The following THSD7A variants were observed in gnomAD, a reference collection of about 807,000 sequenced individuals.
THSD7A encodes the protein thrombospondin type-1 domain-containing protein 7A.
THSD7A carries 96 observed loss-of-function variants against 231.3 expected under a neutral mutation model. The observed-to-expected ratio is 0.41, with a 90% CI of 0.35 to 0.49. THSD7A has a LOEUF of 0.49. Ranked by LOEUF, THSD7A falls within the 20% of genes least tolerant of loss-of-function variation. THSD7A has a pLI of 0.05. For missense variants in THSD7A, 2,290 were observed against 2,070.2 expected, an observed-to-expected ratio of 1.11 and a Z score of -2.06; for synonymous variants, 940 against 743.3, an observed-to-expected ratio of 1.26 and a Z score of -4.30.
At chr7:11,448,366 A>G (rs1785042320) in intron 11 of THSD7A, among the ~76,000 whole-genome samples, 1 of 152,158 alleles carries the variant, frequency 6.6e-6, no homozygotes, top group African/African-American at 2.4e-5. Context: ...CATTGGTTTT[A>G]AAAACAACTC....
intron 11 of THSD7A, among the ~76,000 whole-genome samples, chr7:11,447,843 A>G (rs1212756740): frequency 6.6e-6 from 1 of 152,112 alleles, no homozygotes; most frequent in African/African-American, 2.4e-5. Context: ...TATATCTAAT[A>G]TTGTTTTATA....
chr7:11,430,303 A>T (rs567631528), intron 13 of THSD7A, among the ~76,000 whole-genome samples: 19 of 152,134 alleles, frequency 1.2e-4, no homozygotes, highest in Non-Finnish European at 2.5e-4. Flanking sequence ...ATCTAATTTT[A>T]GAACATTTGT....
At chr7:11,795,336 T>G (rs2128179427) in intron 1 of THSD7A, among the ~76,000 whole-genome samples, 1 of 150,510 alleles carries the variant, frequency 6.6e-6, no homozygotes, top group East Asian at 2.0e-4. Flanking sequence ...AGTAATATTC[T>G]TATAACCCCG....
intron 4 of THSD7A, among the ~76,000 whole-genome samples, chr7:11,555,198 T>A (rs1357834365): frequency 1.3e-5 from 2 of 151,964 alleles, no homozygotes; most frequent in African/African-American, 4.8e-5. Context: ...TATTGATTTG[T>A]GTCTTATCCT....
chr7:11,805,010 C>T (rs1306517159), intron 1 of THSD7A, among the ~76,000 whole-genome samples: 2 of 152,092 alleles, frequency 1.3e-5, no homozygotes, highest in African/African-American at 4.8e-5. Flanking sequence ...GAGCTGAAAC[C>T]TTGCATTGGT....
intron 6 of THSD7A, among the ~76,000 whole-genome samples, chr7:11,484,430 A>C (rs1786561649): frequency 6.6e-6 from 1 of 152,076 alleles, no homozygotes; most frequent in African/African-American, 2.4e-5. Context: ...GTTTCAGTTC[A>C]ATTTTCTCCT....
At chr7:11,389,216 T>C (rs1481059577) in intron 23 of THSD7A, among the ~76,000 whole-genome samples, 1 of 152,072 alleles carries the variant, frequency 6.6e-6, no homozygotes, top group Non-Finnish European at 1.5e-5. Flanking sequence ...TGTGTTAAAT[T>C]GTGTGGGAGT....
intron 13 of THSD7A, among the ~76,000 whole-genome samples, chr7:11,445,466 GCA>G (rs1293050230): frequency 6.6e-6 from 1 of 151,728 alleles, no homozygotes; most frequent in Non-Finnish European, 1.5e-5. Flanking sequence ...ATAAAAGTGG[GCA>G]CAGTTTCCTA....
chr7:11,381,518 T>C (rs1323048208), intron 24 of THSD7A, among the ~76,000 whole-genome samples: 1 of 152,188 alleles, frequency 6.6e-6, no homozygotes. Context: ...TATATTAAAG[T>C]TAAATTTCTA....
intron 1 of THSD7A, among the ~76,000 whole-genome samples, chr7:11,723,358 G>A (rs1473006435): frequency 6.6e-6 from 1 of 151,320 alleles, no homozygotes; most frequent in African/African-American, 2.4e-5. Flanking sequence ...ATAGCATTAG[G>A]TGGTATACCT....
intron 1 of THSD7A, among the ~76,000 whole-genome samples, chr7:11,815,440 G>T (rs1181623331): frequency 6.6e-6 from 1 of 151,990 alleles, no homozygotes; most frequent in Non-Finnish European, 1.5e-5. Context: ...CATCAGGGAT[G>T]AGTTCTATAC....
chr7:11,581,308 G>A (rs1201066279), intron 4 of THSD7A, among the ~76,000 whole-genome samples: 1 of 151,806 alleles, frequency 6.6e-6, no homozygotes, highest in East Asian at 1.9e-4. Context: ...ATTGTTTGTA[G>A]TCTATTAAAA....
At chr7:11,827,506 G>A (rs1785066651) in intron 1 of THSD7A, among the ~76,000 whole-genome samples, 1 of 151,956 alleles carries the variant, frequency 6.6e-6, no homozygotes, top group Admixed American at 6.6e-5. Flanking sequence ...TTCATCTAGT[G>A]TATCTTGTCA....
At position 11,446,787 on chromosome 7, in the gene THSD7A, A is replaced by G. The variant is rs1405743026; in HGVS notation, c.2800+443T>C. On this transcript the variant is annotated intron_variant, in intron 12 of 27. Transcript: ENST00000423059. The surrounding 1 kb of genome is among the most constrained non-coding windows in gnomAD (Gnocchi z 4.0). ...GATCCTAATCCTGCTCATTATATTC[A>G]TGCTGTTAGTCATTACTATGGTTTA... Among the ~76,000 whole-genome samples, 1 of 152,130 alleles carries G rather than the reference A, an allele frequency of 6.6e-6. No individual in the cohort carries two copies. Among genetic ancestry groups the G allele is most frequent in the Non-Finnish European group, 1.5e-5 (1 of 68,004 alleles).
chr7:11,558,457 T>C (rs1420439375), intron 4 of THSD7A, among the ~76,000 whole-genome samples: 2 of 152,142 alleles, frequency 1.3e-5, no homozygotes, highest in African/African-American at 2.4e-5. Flanking sequence ...AAATCTGGCC[T>C]CTCTCCTGGT....
chr7:11,626,459 T>C (rs1417642623), intron 2 of THSD7A, among the ~76,000 whole-genome samples: 1 of 152,060 alleles, frequency 6.6e-6, no homozygotes, highest in African/African-American at 2.4e-5. Flanking sequence ...AAAATACTCC[T>C]GAAAAGTAAA....
At chr7:11,704,731 CA>C (rs1562489808) in intron 1 of THSD7A, among the ~76,000 whole-genome samples, 2 of 150,958 alleles carry the variant, frequency 1.3e-5, no homozygotes, top group Non-Finnish European at 3.0e-5. Context: ...TCTTCTCCCC[CA>C]AAACTGCCCA....
intron 1 of THSD7A, among the ~76,000 whole-genome samples, chr7:11,796,076 A>ATT (rs1265180830): frequency 2.4e-5 from 3 of 125,470 alleles, no homozygotes; most frequent in African/African-American, 9.1e-5. Context: ...ATATATATAT[A>ATT]TTTGGATCAG....
At chr7:11,532,730 C>A (rs1222782379) in intron 6 of THSD7A, among the ~76,000 whole-genome samples, 1 of 152,024 alleles carries the variant, frequency 6.6e-6, no homozygotes, top group African/African-American at 2.4e-5. Context: ...TAAAAATGTC[C>A]ATTTAATGTT....
Sources: gnomAD v4.1 joint callset for allele counts (sites outside exome capture counted in the v4.1 genomes callset) on GRCh38, gnomAD v4.1.1 for gene constraint, Gnocchi (gnomAD v3.1) non-coding constraint, MANE v1.5 for transcripts, NCBI Gene and HGNC (gene_info 2026-07-23, HGNC 2026-07-21) for gene names.